Variants in DIP2C observed in about 807,000 individuals in gnomAD.
The protein encoded by DIP2C is disco-interacting protein 2 homolog C.
Under a neutral mutation model 192.4 loss-of-function variants are expected in DIP2C, and 33 were observed. That is an observed-to-expected ratio of 0.17 (90% CI 0.13 to 0.23). The LOEUF (loss-of-function observed/expected upper bound fraction) is 0.23. Among genes scored for constraint, DIP2C ranks in the 10% least tolerant of loss-of-function variants. The pLI is 1.00. For synonymous variants in DIP2C, 979 were observed against 864.1 expected (o/e 1.13, Z -2.33); for missense variants, 1,537 against 2,110.1 (o/e 0.73, Z 5.32).
At chr10:654,892 A>G (rs780615741) in intron 1 of DIP2C, among the ~76,000 whole-genome samples, 2 of 152,172 alleles carry the variant, frequency 1.3e-5, no homozygotes, top group African/African-American at 2.4e-5. Flanking sequence ...ACAATATTAT[A>G]CTGTTTCATT....
intron 31 of DIP2C, among the ~76,000 whole-genome samples, chr10:323,386 G>T (rs1358471302): frequency 7.8e-6 from 1 of 127,430 alleles, no homozygotes; most frequent in African/African-American, 3.1e-5. Context: ...ACAGTCAGTC[G>T]GGGGTGCGGG....
At chr10:512,922 G>GAGAAAAA (rs1554887229) in intron 1 of DIP2C, among the ~76,000 whole-genome samples, 7 of 92,184 alleles carry the variant, frequency 7.6e-5, no homozygotes, top group South Asian at 8.9e-4. Flanking sequence ...CCCACTTCAG[G>GAGAAAAA]AAAAAAAAAA....
chr10:564,928 T>C (rs765629466), intron 1 of DIP2C, among the ~76,000 whole-genome samples: 2 of 152,196 alleles, frequency 1.3e-5, no homozygotes, highest in Non-Finnish European at 2.9e-5. Flanking sequence ...CAATCACCTT[T>C]ACAATAAATC....
chr10:415,939 G>A (rs1160728090), intron 6 of DIP2C, 51 bp from the exon 7 acceptor site: 9 of 1,610,510 alleles, frequency 5.6e-6, no homozygotes, highest in Non-Finnish European at 7.6e-6. Context: ...CAGCTTCAAT[G>A]AGCACCCACA....
intron 1 of DIP2C, among the ~76,000 whole-genome samples, chr10:505,189 T>C (rs911567413): frequency 1.3e-5 from 2 of 152,172 alleles, no homozygotes; most frequent in African/African-American, 2.4e-5. Flanking sequence ...TTCCAATTGC[T>C]GATGTTTTAA....
intron 35 of DIP2C, 25 bp downstream of exon 35, chr10:283,247 G>A: frequency 6.3e-7 from 1 of 1,583,484 alleles, no homozygotes; most frequent in Non-Finnish European, 8.6e-7. Flanking sequence ...TCTGTTGGGG[G>A]GGGGCCGCCA....
intron 4 of DIP2C, among the ~76,000 whole-genome samples, chr10:423,490 T>A (rs1031299831): frequency 7.2e-5 from 11 of 152,354 alleles, no homozygotes; most frequent in Non-Finnish European, 1.5e-4. Context: ...TACATCGGTG[T>A]GTTAGATACC....
In DIP2C at chr10:415,772, C is replaced by G. The variant is rs1965589688; in HGVS notation, c.856G>C (p.Glu286Gln). 3 of 1,613,932 alleles carry G rather than the reference C, an allele frequency of 1.9e-6. No homozygotes were observed. Among genetic ancestry groups the G allele is most frequent in the Non-Finnish European group, 1.7e-6 (2 of 1,179,986 alleles). ...FFVDDFEELL[E>Q]VQQPDPNQPK... ...GTGTGGTAAAGAGTTCTCTCACCTTCTAATAATTCTTCAAAGTCATCGACA... is the reference window on the plus strand; with the variant it reads ...GTGTGGTAAAGAGTTCTCTCACCTTGTAATAATTCTTCAAAGTCATCGACA... Residue 286 changes from glutamate to glutamine, a missense_variant, in exon 7 of 37, where the codon GAA becomes CAA. Transcript: ENST00000280886.
At chr10:292,619 G>A (rs181256166) in intron 32 of DIP2C, among the ~76,000 whole-genome samples, 3 of 152,286 alleles carry the variant, frequency 2.0e-5, no homozygotes, top group Admixed American at 6.5e-5. Context: ...CAACCGAGTG[G>A]GGAACGAATG....
chr10:649,204 G>A (rs1453666784), intron 1 of DIP2C, among the ~76,000 whole-genome samples: 1 of 150,822 alleles, frequency 6.6e-6, no homozygotes, highest in African/African-American at 2.4e-5. Flanking sequence ...GACGGTGGGA[G>A]AGAACAGAGG....
intron 1 of DIP2C, among the ~76,000 whole-genome samples, chr10:635,357 G>A (rs921658744): frequency 6.6e-6 from 1 of 152,236 alleles, no homozygotes; most frequent in Non-Finnish European, 1.5e-5. Context: ...CTCACAGACT[G>A]GGATAACAGT....
chr10:622,576 T>C (rs1341569675), intron 1 of DIP2C, among the ~76,000 whole-genome samples: 29 of 152,310 alleles, frequency 1.9e-4, no homozygotes, highest in Admixed American at 1.6e-3. Context: ...ATTTTCATAG[T>C]TGATATCAGG....
intron 25 of DIP2C, 53 bp downstream of exon 25, chr10:349,278 C>G: frequency 1.9e-6 from 3 of 1,578,500 alleles, no homozygotes; most frequent in Non-Finnish European, 2.6e-6. Context: ...CCTCCTCGCA[C>G]CGCGGCTGAC....
intron 1 of DIP2C, among the ~76,000 whole-genome samples, chr10:544,078 A>G (rs995050436): frequency 1.3e-5 from 2 of 152,202 alleles, no homozygotes; most frequent in African/African-American, 4.8e-5. Context: ...ACAGTGCGTG[A>G]CCTTTAGCAT....
At chr10:634,628 T>C (rs1374391130) in intron 1 of DIP2C, among the ~76,000 whole-genome samples, 2 of 152,008 alleles carry the variant, frequency 1.3e-5, no homozygotes, top group Non-Finnish European at 2.9e-5. Context: ...GGTGAGCACC[T>C]ATAATCTCAG....
intron 18 of DIP2C, 59 bp from the exon 19 acceptor site, chr10:366,470 G>T (rs1433601617): frequency 1.9e-6 from 3 of 1,608,530 alleles, no homozygotes; most frequent in South Asian, 1.1e-5. Flanking sequence ...GAGAATAAAG[G>T]AAACAGGGAA....
At chr10:575,200 A>G (rs754750308) in intron 1 of DIP2C, among the ~76,000 whole-genome samples, 32 of 152,238 alleles carry the variant, frequency 2.1e-4, no homozygotes, top group Non-Finnish European at 4.0e-4. Flanking sequence ...AATCTGAAAC[A>G]TGGAATTATT....
chr10:287,269 T>G (rs1955192916), intron 33 of DIP2C, among the ~76,000 whole-genome samples: 1 of 152,180 alleles, frequency 6.6e-6, no homozygotes, highest in East Asian at 1.9e-4. Context: ...TCTTAAAGTT[T>G]ACCTTAGAAA....
chr10:456,203 A>G (rs1231924819), intron 3 of DIP2C, among the ~76,000 whole-genome samples: 35 of 115,772 alleles, frequency 3.0e-4, no homozygotes, highest in Admixed American at 7.7e-4. Context: ...AATGAGATGA[A>G]AACACTCTGC....
Sources: gnomAD v4.1 joint callset for allele counts (sites outside exome capture counted in the v4.1 genomes callset) on GRCh38, gnomAD v4.1.1 for gene constraint, MANE v1.5 for transcripts, NCBI Gene and HGNC (gene_info 2026-07-23, HGNC 2026-07-21) for gene names.